The following RAB4B variants were observed in gnomAD, a reference collection of about 807,000 sequenced individuals.
The protein encoded by RAB4B is RAB4B, member RAS oncogene family, also known as ras-related protein Rab-4B.
A neutral mutation model predicts 28.3 loss-of-function variants in RAB4B; 15 were observed. The ratio of observed to expected loss-of-function variants is 0.53; its 90% CI spans 0.35 to 0.82. The LOEUF is 0.82. Ranked by LOEUF, RAB4B falls within the 40% of genes least tolerant of loss-of-function variation. The pLI is 0.01. For synonymous variants in RAB4B, 108 were observed against 116.3 expected (o/e 0.93, Z 0.46); for missense variants, 244 against 288.5 (o/e 0.85, Z 1.12).
At chr19:40,784,561 C>G (rs527848458) in intron 5 of RAB4B, among the ~76,000 whole-genome samples, 1 of 152,272 alleles carries the variant, frequency 6.6e-6, no homozygotes, top group South Asian at 2.1e-4. Flanking sequence ...TGTGATTACA[C>G]TGGTTCTCAG....
At chr19:40,783,179 G>C (rs533516095) in intron 3 of RAB4B, among the ~76,000 whole-genome samples, 15 of 139,456 alleles carry the variant, frequency 1.1e-4, no homozygotes, top group African/African-American at 1.9e-4. Context: ...AAAAGAAAAA[G>C]GAAAAAGACA....
intron 7 of RAB4B, among the ~76,000 whole-genome samples, chr19:40,789,924 C>T (rs936941178): frequency 3.9e-5 from 6 of 152,142 alleles, no homozygotes; most frequent in East Asian, 3.9e-4. Context: ...AGCACAGCAA[C>T]GCTTCTAGCG....
At chr19:40,785,342 CAAAAAA>C (rs59914589) in intron 5 of RAB4B, among the ~76,000 whole-genome samples, 48 of 49,650 alleles carry the variant, frequency 9.7e-4, no homozygotes, top group Non-Finnish European at 1.9e-3. Flanking sequence ...CCTGCCTCTA[CAAAAAA>C]AAAAAAAAAA....
At chr19:40,792,098 C>T (rs1337845215) in intron 7 of RAB4B, 1 of 152,246 alleles carries the variant, frequency 6.6e-6, no homozygotes, top group Non-Finnish European at 1.5e-5. Flanking sequence ...AGTGGTTAGA[C>T]CTTGGATCTA....
intron 7 of RAB4B, among the ~76,000 whole-genome samples, chr19:40,788,246 C>T (rs1195439356): frequency 6.6e-6 from 1 of 152,012 alleles, no homozygotes; most frequent in African/African-American, 2.4e-5. Context: ...CCTGTAATCC[C>T]AGCACTTTGG....
chr19:40,788,480 TTAAAAAAAA>T (rs1248731474), intron 7 of RAB4B, among the ~76,000 whole-genome samples: 12 of 76,108 alleles, frequency 1.6e-4, no homozygotes, highest in African/African-American at 7.2e-4. Flanking sequence ...AGCGAGACTC[TTAAAAAAAA>T]AAAAAAAAAA....
intron 1 of RAB4B, chr19:40,779,417 C>CTG (rs2145035409): frequency 6.4e-6 from 1 of 156,152 alleles, no homozygotes; most frequent in South Asian, 1.8e-4. Flanking sequence ...TGTTCCTGGC[C>CTG]CACAACAACA....
At chr19:40,793,638 T>C (rs1373027292) in intron 7 of RAB4B, among the ~76,000 whole-genome samples, 1 of 146,834 alleles carries the variant, frequency 6.8e-6, no homozygotes, top group Non-Finnish European at 1.5e-5. Flanking sequence ...CTTAAGCTCC[T>C]GGCCTTGCCG....
intron 7 of RAB4B, among the ~76,000 whole-genome samples, chr19:40,788,481 TAAA>T (rs751428239): frequency 3.0e-5 from 2 of 67,110 alleles, no homozygotes; most frequent in East Asian, 4.0e-4. Context: ...GCGAGACTCT[TAAA>T]AAAAAAAAAA....
At chr19:40,780,570 A>T in intron 3 of RAB4B, 71 bp downstream of exon 3, 1 of 1,300,366 alleles carries the variant, frequency 7.7e-7, no homozygotes, top group Non-Finnish European at 1.1e-6. Context: ...GTGTGTGTAG[A>T]GTCACTTGGA....
intron 3 of RAB4B, 76 bp from the exon 4 acceptor site, chr19:40,783,702 G>A: frequency 7.1e-7 from 1 of 1,408,686 alleles, no homozygotes; most frequent in East Asian, 2.5e-5. Context: ...CGAACCACCA[G>A]TCTGTCTCTG....
chr19:40,783,561 C>CT (rs146946661), intron 3 of RAB4B, among the ~76,000 whole-genome samples: 2,905 of 152,016 alleles, frequency 0.019, 82 homozygotes, highest in African/African-American at 0.064. Context: ...AGCTGGCCAG[C>CT]TAAGTGAGAT....
chr19:40,780,295 G>A, intron 2 of RAB4B, 90 bp from the exon 3 acceptor site: 2 of 1,457,044 alleles, frequency 1.4e-6, no homozygotes, highest in Non-Finnish European at 1.9e-6. Flanking sequence ...GAATGGGTTT[G>A]TAGAGACTGA....
chr19:40,778,302 T>G lies in RAB4B; in HGVS notation c.-74T>G. 1 of 1,418,120 alleles carries G rather than the reference T, an allele frequency of 7.1e-7. No individual in the cohort carries two copies. Among genetic ancestry groups the G allele is most frequent in the African/African-American group, 1.5e-5 (1 of 67,054 alleles). The allele number at this position is 1,418,120 out of a possible 1,614,324, so 87.8% of individuals were successfully genotyped here. On this transcript the variant is annotated 5_prime_UTR_variant, in exon 1 of 8. Transcript: ENST00000357052. Reference sequence around the variant, plus strand: ...GAAGGAGCCGGGGCTGTAGCCGGAGTGGAGCGGCTGCCAGCCGAGGAGCAG... The same window carrying G: ...GAAGGAGCCGGGGCTGTAGCCGGAGGGGAGCGGCTGCCAGCCGAGGAGCAG...
At chr19:40,789,786 A>G (rs775998437) in intron 7 of RAB4B, among the ~76,000 whole-genome samples, 3 of 152,206 alleles carry the variant, frequency 2.0e-5, no homozygotes, top group Admixed American at 1.3e-4. Flanking sequence ...GGCGTCAGCC[A>G]CCGCACCTGG....
intron 7 of RAB4B, among the ~76,000 whole-genome samples, chr19:40,790,451 A>G (rs1163766854): frequency 6.6e-6 from 1 of 151,082 alleles, no homozygotes; most frequent in African/African-American, 2.4e-5. Flanking sequence ...GCTTACTGCA[A>G]GCTCCGCCTC....
intron 7 of RAB4B, among the ~76,000 whole-genome samples, chr19:40,787,706 G>C (rs1458795450): frequency 1.3e-5 from 2 of 149,898 alleles, no homozygotes; most frequent in Non-Finnish European, 3.0e-5. Context: ...GGGATGAGGG[G>C]ACACAGGCAG....
chr19:40,779,797 T>C, intron 1 of RAB4B: 2 of 1,220,272 alleles, frequency 1.6e-6, no homozygotes, highest in Non-Finnish European at 2.1e-6. Flanking sequence ...TCCCTGAATC[T>C]AAAATAAAAG....
intron 5 of RAB4B, 71 bp downstream of exon 5, chr19:40,784,146 C>G (rs1445316725): frequency 1.3e-6 from 2 of 1,492,440 alleles, no homozygotes; most frequent in African/African-American, 1.4e-5. Flanking sequence ...TTTACTGGCT[C>G]TCAGTGGCTG....
Sources: allele counts gnomAD v4.1 joint callset (sites outside exome capture counted in the v4.1 genomes callset), GRCh38; gene constraint gnomAD v4.1.1; transcripts MANE v1.5; gene names NCBI Gene and HGNC (gene_info 2026-07-23, HGNC 2026-07-21).